The following ANKRD11 variants were observed in gnomAD, a reference collection of about 807,000 sequenced individuals.
ANKRD11 encodes ankyrin repeat domain 11.
A neutral mutation model predicts 195.7 loss-of-function variants in ANKRD11; 17 were observed. That is an observed-to-expected ratio of 0.09 (90% CI 0.06 to 0.13). The LOEUF (loss-of-function observed/expected upper bound fraction) is 0.13. Among genes scored for constraint, ANKRD11 ranks in the 10% least tolerant of loss-of-function variants. The probability of loss-of-function intolerance (pLI) is 1.00; values close to 1 mark genes in which losing one functional copy is unlikely to be tolerated. For synonymous variants in ANKRD11, 1,953 were observed against 1,528.1 expected, an observed-to-expected ratio of 1.28 and a Z score of -6.49; for missense variants, 3,735 against 3,566.1, an observed-to-expected ratio of 1.05 and a Z score of -1.21.
At chr16:89,296,161 C>A (rs982944855) in intron 4 of ANKRD11, among the ~76,000 whole-genome samples, 1 of 151,704 alleles carries the variant, frequency 6.6e-6, no homozygotes, top group Admixed American at 6.6e-5. Flanking sequence ...CTTTTAACAT[C>A]CTCCCTTTGC....
At chr16:89,452,834 G>A (rs995919860) in intron 1 of ANKRD11, among the ~76,000 whole-genome samples, 1 of 150,276 alleles carries the variant, frequency 6.7e-6, no homozygotes, top group African/African-American at 2.4e-5. Flanking sequence ...AAAGTTAAGA[G>A]GTCCTATTCC....
rs556924477 is a variant in ANKRD11, at chr16:89,320,507, C to T, written c.-59-3429G>A. On this transcript the variant is annotated intron_variant, in intron 2 of 12. Transcript: ENST00000301030. ...GGTAAACGCAGAGCCGAGGGGCCGGCCAGCACCTGGCCCTGACCGCCCCCA... is the reference window on the plus strand; with the variant it reads ...GGTAAACGCAGAGCCGAGGGGCCGGTCAGCACCTGGCCCTGACCGCCCCCA... Among the ~76,000 whole-genome samples the T allele has an allele frequency of 5.9e-3, 902 of 152,300 alleles. 8 individuals are homozygous for T. Among genetic ancestry groups the T allele is most frequent in the Non-Finnish European group, 9.9e-3 (675 of 68,024 alleles).
intron 1 of ANKRD11, among the ~76,000 whole-genome samples, chr16:89,441,617 A>T (rs1282731838): frequency 6.6e-6 from 1 of 151,744 alleles, no homozygotes; most frequent in South Asian, 2.1e-4. Context: ...AATACAAAAA[A>T]TTAGCTGGGT....
At chr16:89,325,983 G>C (rs190097558) in intron 2 of ANKRD11, among the ~76,000 whole-genome samples, 2 of 152,192 alleles carry the variant, frequency 1.3e-5, no homozygotes, top group Admixed American at 1.3e-4. Context: ...ACACACTGCA[G>C]GGCACCCACT....
chr16:89,437,343 C>G (rs565621568), intron 1 of ANKRD11, among the ~76,000 whole-genome samples: 9 of 152,330 alleles, frequency 5.9e-5, no homozygotes, highest in African/African-American at 2.2e-4. Flanking sequence ...TTGTTTGCCC[C>G]AACATCTGTT....
chr16:89,460,296 A>C (rs938410121), intron 1 of ANKRD11, among the ~76,000 whole-genome samples: 1 of 152,210 alleles, frequency 6.6e-6, no homozygotes, highest in Middle Eastern at 3.4e-3. Context: ...AATAAAAATC[A>C]CATGCTTTGG....
intron 2 of ANKRD11, among the ~76,000 whole-genome samples, chr16:89,377,731 G>A (rs2040484269): frequency 6.6e-6 from 1 of 152,092 alleles, no homozygotes; most frequent in Non-Finnish European, 1.5e-5. Context: ...CTGTGACATG[G>A]GCACTGAAAC....
intron 4 of ANKRD11, chr16:89,301,654 G>T (rs2035861547): frequency 2.5e-6 from 1 of 398,752 alleles, no homozygotes; most frequent in African/African-American, 2.1e-5. Context: ...ACACAGAGGT[G>T]ATGCTGTCAC....
chr16:89,471,517 G>C, intron 1 of ANKRD11, among the ~76,000 whole-genome samples: 1 of 152,148 alleles, frequency 6.6e-6, no homozygotes. Context: ...TCATGACCAG[G>C]TGTGGTGCCT....
intron 2 of ANKRD11, among the ~76,000 whole-genome samples, chr16:89,407,871 AAAG>A (rs1555569379): frequency 3.4e-4 from 40 of 117,982 alleles, no homozygotes; most frequent in East Asian, 1.7e-3. Flanking sequence ...AAAAAAAAAA[AAAG>A]AAGAAGAAGA....
intron 1 of ANKRD11, among the ~76,000 whole-genome samples, chr16:89,470,910 G>A (rs796246422): frequency 1.2e-4 from 18 of 152,204 alleles, no homozygotes; most frequent in African/African-American, 3.4e-4. Flanking sequence ...GGAGAGTGGT[G>A]TGAACCTGGG....
intron 2 of ANKRD11, among the ~76,000 whole-genome samples, chr16:89,370,045 C>T (rs536007653): frequency 2.6e-5 from 4 of 152,348 alleles, no homozygotes; most frequent in African/African-American, 4.8e-5. Context: ...GTAACGAGAA[C>T]GCAAACCTTC....
chr16:89,286,411 G>A, intron 7 of ANKRD11: 4 of 664,816 alleles, frequency 6.0e-6, no homozygotes, highest in East Asian at 2.9e-5. Flanking sequence ...AGCCGCGGGG[G>A]CTCCCGCACC....
At chr16:89,326,860 G>C (rs944023189) in intron 2 of ANKRD11, among the ~76,000 whole-genome samples, 3 of 152,230 alleles carry the variant, frequency 2.0e-5, no homozygotes, top group Non-Finnish European at 4.4e-5. Flanking sequence ...CTGCCCGCCA[G>C]GGGCTGCTGG....
chr16:89,484,075 G>A lies in ANKRD11; in HGVS notation c.-145+6170C>T, dbSNP rs550040453. Among the ~76,000 whole-genome samples the A allele has an allele frequency of 1.0e-3, 156 of 152,306 alleles. 1 individual carries two copies. Among genetic ancestry groups the A allele is most frequent in the African/African-American group, 3.6e-3 (149 of 41,574 alleles). ...CTCTCGAGACGCTCTTCGGCTGCCT[G>A]AAAGCTGGATTTCTTCTTTGTCACC... On this transcript the variant is annotated intron_variant, in intron 1 of 12. Coordinates refer to ENST00000301030, the MANE Select transcript of ANKRD11 (RefSeq NM_013275.6).
At chr16:89,416,784 TAAAA>T (rs924680059) in intron 2 of ANKRD11, among the ~76,000 whole-genome samples, 19 of 151,108 alleles carry the variant, frequency 1.3e-4, no homozygotes, top group African/African-American at 3.9e-4. Context: ...AAAAAAAAAT[TAAAA>T]AAAGAAAATG....
chr16:89,447,416 G>T (rs1260490520), intron 1 of ANKRD11, among the ~76,000 whole-genome samples: 1 of 152,162 alleles, frequency 6.6e-6, no homozygotes, highest in Admixed American at 6.5e-5. Context: ...GCACGATCTA[G>T]AGTGTAGCAA....
At position 89,284,068 on chromosome 16, in the gene ANKRD11, T is replaced by C. The variant is rs1229772021; in HGVS notation, c.2474A>G (p.Glu825Gly). 1.2e-6 allele frequency: 2 copies of C among 1,614,000 alleles called. No homozygotes were observed. The highest frequency in any genetic ancestry group is 2.2e-5 in the South Asian group (2 of 91,080). Residue 825 changes from glutamate (E) to glycine (G), a missense_variant, in exon 9 of 13, where the codon GAG becomes GGG. Glu to Gly is a moderately conservative substitution (Grantham distance 98). Coordinates refer to ENST00000301030, the MANE Select transcript of ANKRD11 (RefSeq NM_013275.6). ...DEYCNKNQFLENEDTKFSLSD... is the reference protein window; with the variant it reads ...DEYCNKNQFLGNEDTKFSLSD... ...AAGGCTAAATTTGGTGTCTTCATTC[T>C]CCAGAAACTGATTTTTGTTACAATA...
chr16:89,325,266 T>C (rs1242865635), intron 2 of ANKRD11, among the ~76,000 whole-genome samples: 2 of 152,130 alleles, frequency 1.3e-5, no homozygotes, highest in Non-Finnish European at 2.9e-5. Context: ...TGAGGAACCC[T>C]GTCTCTACGA....
Sources: allele counts gnomAD v4.1 joint callset (sites outside exome capture counted in the v4.1 genomes callset), GRCh38; gene constraint gnomAD v4.1.1; transcripts MANE v1.5; gene names NCBI Gene and HGNC (gene_info 2026-07-23, HGNC 2026-07-21).